IRAG1: variants seen among roughly 807,000 people sequenced by gnomAD.
The protein encoded by IRAG1 is inositol 1,4,5-triphosphate receptor associated 1.
IRAG1 carries 62 observed loss-of-function variants against 106.2 expected under a neutral mutation model. The ratio of observed to expected loss-of-function variants is 0.58; its 90% confidence interval spans 0.48 to 0.72. The LOEUF (loss-of-function observed/expected upper bound fraction) is 0.72. Ranked by LOEUF, IRAG1 falls within the 30% of genes least tolerant of loss-of-function variation. The pLI is 0.00. For missense variants in IRAG1, 1,064 were observed against 1,140.7 expected (o/e 0.93, Z 0.97); for synonymous variants, 462 against 443.9 (o/e 1.04, Z -0.51).
chr11:10,576,197 G>T lies in IRAG1; in HGVS notation c.*135C>A. ...TGAATAGCTCCCACAGAAGTGCCGAGTGTTAAAAGAACCCTTCCTCATGAC... is the reference window on the plus strand; with the variant it reads ...TGAATAGCTCCCACAGAAGTGCCGATTGTTAAAAGAACCCTTCCTCATGAC... On this transcript the variant is annotated 3_prime_UTR_variant, in exon 21 of 21. Coordinates refer to ENST00000423302, the MANE Select transcript of IRAG1 (RefSeq NM_130385.4). The T allele has an allele frequency of 8.8e-7, 1 of 1,136,558 alleles. No individual in the cohort carries two copies. The highest frequency in any genetic ancestry group is 1.2e-6 in the Non-Finnish European group (1 of 808,118). The allele number at this position is 1,136,558 out of a possible 1,614,324, so 70.4% of individuals were successfully genotyped here.
intron 1 of IRAG1, among the ~76,000 whole-genome samples, chr11:10,671,581 G>A (rs1263893516): frequency 5.3e-5 from 8 of 151,978 alleles, no homozygotes; most frequent in Admixed American, 3.3e-4. Context: ...GCATGGTGGC[G>A]CGCACCTGTA....
intron 1 of IRAG1, among the ~76,000 whole-genome samples, chr11:10,681,506 T>A (rs1203392374): frequency 6.6e-6 from 1 of 152,232 alleles, no homozygotes; most frequent in Non-Finnish European, 1.5e-5. Flanking sequence ...CCTGCAGTCC[T>A]CCTCCTTGTC....
chr11:10,646,190 C>A (rs112264560), intron 2 of IRAG1, among the ~76,000 whole-genome samples: 5 of 152,308 alleles, frequency 3.3e-5, no homozygotes, highest in African/African-American at 1.2e-4. Flanking sequence ...GAGCCCAGCC[C>A]ACTGACTGAG....
intron 15 of IRAG1, among the ~76,000 whole-genome samples, chr11:10,595,353 T>C (rs1853177737): frequency 6.6e-6 from 1 of 152,206 alleles, no homozygotes; most frequent in Admixed American, 6.5e-5. Flanking sequence ...TATTTTGTTT[T>C]ATTCATTGAC....
At chr11:10,582,253 G>A (rs994368464) in intron 18 of IRAG1, among the ~76,000 whole-genome samples, 1 of 152,094 alleles carries the variant, frequency 6.6e-6, no homozygotes, top group Admixed American at 6.5e-5. Flanking sequence ...TCCAGGAGAT[G>A]CTGTAATGGG....
chr11:10,652,419 C>T, intron 1 of IRAG1: 1 of 1,076,546 alleles, frequency 9.3e-7, no homozygotes, highest in Non-Finnish European at 1.3e-6. Flanking sequence ...TTACAGTAAA[C>T]ACAGCTATCC....
chr11:10,620,667 G>A (rs1057440593), intron 10 of IRAG1, among the ~76,000 whole-genome samples: 2 of 152,140 alleles, frequency 1.3e-5, no homozygotes, highest in African/African-American at 2.4e-5. Context: ...ATAATAAGGA[G>A]CAGAAGCAAA....
At chr11:10,598,824 A>G (rs1853617080) in intron 15 of IRAG1, among the ~76,000 whole-genome samples, 1 of 152,274 alleles carries the variant, frequency 6.6e-6, no homozygotes, top group East Asian at 1.9e-4. Context: ...ATATTCAGAA[A>G]GAAACATGTT....
chr11:10,656,887 G>A (rs1349178527), intron 1 of IRAG1, among the ~76,000 whole-genome samples: 9 of 152,094 alleles, frequency 5.9e-5, no homozygotes, highest in African/African-American at 9.7e-5. Flanking sequence ...TGCCTCCCAG[G>A]GGAGGGCTGG....
intron 1 of IRAG1, among the ~76,000 whole-genome samples, chr11:10,671,536 A>G (rs1196358494): frequency 6.6e-6 from 1 of 152,114 alleles, no homozygotes; most frequent in Non-Finnish European, 1.5e-5. Flanking sequence ...TGATGGCAAA[A>G]CCTCATCTAA....
At chr11:10,687,877 G>GC in intron 1 of IRAG1, 1 of 601,238 alleles carries the variant, frequency 1.7e-6, no homozygotes, top group African/African-American at 2.7e-5. Context: ...GCTTTTTTTT[G>GC]GGGGGGGGTG....
chr11:10,666,498 C>A (rs1190375680), intron 1 of IRAG1, among the ~76,000 whole-genome samples: 1 of 152,212 alleles, frequency 6.6e-6, no homozygotes. Context: ...AAATGAAATG[C>A]TAACACAGGA....
intron 2 of IRAG1, among the ~76,000 whole-genome samples, chr11:10,646,055 C>A (rs915975029): frequency 2.0e-5 from 3 of 152,100 alleles, no homozygotes; most frequent in African/African-American, 7.2e-5. Flanking sequence ...GATGTGAAGC[C>A]CAAGTTCTTC....
chr11:10,655,692 C>T (rs961170687), intron 1 of IRAG1, among the ~76,000 whole-genome samples: 8 of 152,134 alleles, frequency 5.3e-5, no homozygotes, highest in Non-Finnish European at 1.0e-4. Flanking sequence ...AAAGACCTGA[C>T]GATTCCATCC....
At chr11:10,617,803 C>G (rs1855543071) in intron 10 of IRAG1, among the ~76,000 whole-genome samples, 1 of 152,210 alleles carries the variant, frequency 6.6e-6, no homozygotes, top group Admixed American at 6.5e-5. Flanking sequence ...ACAAGCTGAT[C>G]TCCAATAGCT....
At chr11:10,637,680 A>AT (rs1857239316) in intron 2 of IRAG1, among the ~76,000 whole-genome samples, 1 of 152,108 alleles carries the variant, frequency 6.6e-6, no homozygotes, top group Admixed American at 6.5e-5. Context: ...AGTTTTTCCC[A>AT]TCTTTTGTTC....
intron 1 of IRAG1, 136 bp downstream of exon 1, chr11:10,693,400 C>G: frequency 1.4e-6 from 2 of 1,435,532 alleles, no homozygotes; most frequent in Non-Finnish European, 1.8e-6. Context: ...TGAAATGCCA[C>G]CCAACAAAGC....
chr11:10,618,486 A>G (rs1027016314), intron 10 of IRAG1, among the ~76,000 whole-genome samples: 1 of 152,212 alleles, frequency 6.6e-6, no homozygotes, highest in Non-Finnish European at 1.5e-5. Flanking sequence ...AGCAAAACTG[A>G]CATGCCACAT....
chr11:10,581,337 C>G (rs1851369523), intron 19 of IRAG1, among the ~76,000 whole-genome samples: 1 of 152,114 alleles, frequency 6.6e-6, no homozygotes, highest in Non-Finnish European at 1.5e-5. Flanking sequence ...TGATTCTCTA[C>G]CTTGAGGCTT....
Sources: gnomAD v4.1 joint callset for allele counts (sites outside exome capture counted in the v4.1 genomes callset) on GRCh38, gnomAD v4.1.1 for gene constraint, MANE v1.5 for transcripts, NCBI Gene and HGNC (gene_info 2026-07-23, HGNC 2026-07-21) for gene names.